CSNK1G1: variants seen among roughly 807,000 people sequenced by gnomAD.
The protein encoded by CSNK1G1 is casein kinase 1 gamma 1.
CSNK1G1 carries 22 observed loss-of-function variants against 59.6 expected under a neutral mutation model. The ratio of observed to expected loss-of-function variants is 0.37; its 90% CI spans 0.26 to 0.53. CSNK1G1 has a LOEUF of 0.53. Ranked by LOEUF, CSNK1G1 falls within the 20% of genes least tolerant of loss-of-function variation. The pLI is 0.89. For missense variants in CSNK1G1, 384 were observed against 519.5 expected (o/e 0.74, Z 2.54); for synonymous variants, 179 against 177.1 (o/e 1.01, Z -0.08).
chr15:64,277,609 A>G (rs958952238), intron 2 of CSNK1G1, among the ~76,000 whole-genome samples: 12 of 138,302 alleles, frequency 8.7e-5, no homozygotes, highest in Non-Finnish European at 1.9e-4. Flanking sequence ...ATAATATATT[A>G]ATATTGGTAT....
chr15:64,205,388 G>C (rs562608707), intron 7 of CSNK1G1, among the ~76,000 whole-genome samples: 9 of 152,158 alleles, frequency 5.9e-5, no homozygotes, highest in African/African-American at 2.2e-4. Context: ...CACATATATT[G>C]AGACTTTGAA....
intron 1 of CSNK1G1, among the ~76,000 whole-genome samples, chr15:64,352,246 C>T (rs1469096850): frequency 2.6e-5 from 4 of 151,192 alleles, no homozygotes; most frequent in Non-Finnish European, 2.9e-5. Flanking sequence ...GCGGAGGTTG[C>T]AGTGAGCCAA....
At chr15:64,341,858 C>T (rs1897698597) in intron 1 of CSNK1G1, among the ~76,000 whole-genome samples, 1 of 152,112 alleles carries the variant, frequency 6.6e-6, no homozygotes, top group South Asian at 2.1e-4. Flanking sequence ...TTTTTAAAAG[C>T]GGGATGAGGT....
chr15:64,355,466 T>G (rs865899499), intron 1 of CSNK1G1, among the ~76,000 whole-genome samples: 1 of 152,298 alleles, frequency 6.6e-6, no homozygotes, highest in Admixed American at 6.5e-5. Flanking sequence ...CGTACGGAAG[T>G]TGGGTAGAGG....
In CSNK1G1 at chr15:64,214,028, GCT is replaced by G; in HGVS notation, c.539_540del (p.Glu180AlafsTer16). ...CCAAAGTCTATAATGTGTATAACAT[GCT>G]CTTTCTTATTGCCTTGTCGACCAAT... ...FLIGRQGNKKEHVIHIIDFGL... is the reference protein window; with the variant it reads ...FLIGRQGNKKXHVIHIIDFGL... On this transcript the variant is annotated frameshift_variant, in exon 6 of 12. Transcript: ENST00000303052. LOFTEE classifies it high-confidence loss of function. The surrounding 1 kb of genome is among the most constrained non-coding windows in gnomAD (Gnocchi z 4.3). 2 of 1,614,036 alleles carry G rather than the reference GCT, an allele frequency of 1.2e-6. No individual in the cohort carries two copies. The highest frequency in any genetic ancestry group is 1.7e-6 in the Non-Finnish European group (2 of 1,179,938).
chr15:64,341,564 C>T (rs943100451), intron 1 of CSNK1G1, among the ~76,000 whole-genome samples: 3 of 152,230 alleles, frequency 2.0e-5, no homozygotes, highest in Non-Finnish European at 4.4e-5. Flanking sequence ...CCTCAAACTC[C>T]TGGGCTCAAG....
Position 64,303,959 on chromosome 15 carries a change from A to G in CSNK1G1, c.-224-3236T>C, listed in dbSNP as rs1466690316. 2.6e-5 allele frequency among the ~76,000 whole-genome samples: 4 copies of G among 151,752 alleles called. No homozygotes were observed. In the East Asian group the frequency reaches 7.7e-4, roughly 29 times the overall value. On this transcript the variant is annotated intron_variant, in intron 1 of 11. Transcript: ENST00000303052. Reference sequence around the variant, plus strand: ...GCCAAAAATCTCACTCAGCTGGGGGAAAATGTTCATAACACCTACTTGTAG... The same window carrying G: ...GCCAAAAATCTCACTCAGCTGGGGGGAAATGTTCATAACACCTACTTGTAG...
intron 1 of CSNK1G1, among the ~76,000 whole-genome samples, chr15:64,349,178 A>G (rs966433486): frequency 6.6e-6 from 1 of 151,930 alleles, no homozygotes; most frequent in African/African-American, 2.4e-5. Flanking sequence ...AAGAAAATGT[A>G]TAACTTTCAT....
chr15:64,177,101 G>A (rs559003483), intron 11 of CSNK1G1, among the ~76,000 whole-genome samples: 35 of 152,246 alleles, frequency 2.3e-4, no homozygotes, highest in Non-Finnish European at 4.3e-4. Flanking sequence ...TCACATGTTC[G>A]TTTTGTACAC....
At chr15:64,195,447 G>A (rs1043433171) in intron 10 of CSNK1G1, among the ~76,000 whole-genome samples, 6 of 152,184 alleles carry the variant, frequency 3.9e-5, no homozygotes, top group East Asian at 3.8e-4. Flanking sequence ...TAGCATTTAC[G>A]TAAGGATTGT....
At chr15:64,265,662 T>TAAA in intron 2 of CSNK1G1, 51 of 273,834 alleles carry the variant, frequency 1.9e-4, no homozygotes, top group Non-Finnish European at 2.7e-4. Flanking sequence ...ACAATAGCTT[T>TAAA]AAAAAAAAAA....
At chr15:64,272,244 C>A (rs1030050277) in intron 2 of CSNK1G1, among the ~76,000 whole-genome samples, 1 of 150,610 alleles carries the variant, frequency 6.6e-6, no homozygotes, top group African/African-American at 2.4e-5. Flanking sequence ...GAGATGGAGT[C>A]TTGCTCTGTC....
intron 2 of CSNK1G1, among the ~76,000 whole-genome samples, chr15:64,264,001 GAAAC>G (rs1169979114): frequency 6.6e-6 from 1 of 151,888 alleles, no homozygotes; most frequent in Non-Finnish European, 1.5e-5. Context: ...TTTATCCCTA[GAAAC>G]AAACATAGTA....
intron 10 of CSNK1G1, chr15:64,189,427 C>T: frequency 1.6e-6 from 2 of 1,290,308 alleles, no homozygotes; most frequent in South Asian, 1.3e-5. Context: ...TTCCCCTGTG[C>T]CAGATGGCTG....
intron 2 of CSNK1G1, 52 bp from the exon 3 acceptor site, chr15:64,259,293 G>C (rs1466498399): frequency 1.5e-6 from 2 of 1,360,762 alleles, no homozygotes; most frequent in Non-Finnish European, 2.0e-6. Context: ...TCTGGGAAAA[G>C]CAAAGCAAAA....
At chr15:64,249,596 A>C (rs1031166964) in intron 4 of CSNK1G1, among the ~76,000 whole-genome samples, 19 of 152,236 alleles carry the variant, frequency 1.2e-4, no homozygotes, top group African/African-American at 4.3e-4. Context: ...TGGCCTAACC[A>C]GTACAACAGA....
At chr15:64,193,504 G>A (rs1359816341) in intron 10 of CSNK1G1, among the ~76,000 whole-genome samples, 16 of 57,246 alleles carry the variant, frequency 2.8e-4, no homozygotes, top group Admixed American at 3.2e-4. Flanking sequence ...AAAAAAAAAA[G>A]TATATACTTG....
intron 11 of CSNK1G1, among the ~76,000 whole-genome samples, chr15:64,173,584 ATGGTGTTTTT>A (rs1447593989): frequency 3.3e-5 from 5 of 150,180 alleles, no homozygotes; most frequent in African/African-American, 7.4e-5. Context: ...TCAAGAACAA[ATGGTGTTTTT>A]TGGTGTTTTT....
At chr15:64,243,819 G>A (rs113048430) in intron 4 of CSNK1G1, among the ~76,000 whole-genome samples, 1,751 of 151,664 alleles carry the variant, frequency 0.012, 26 homozygotes, top group African/African-American at 0.033. Context: ...GCAGTGAGCC[G>A]AGATCACACC....
Sources: gnomAD v4.1 joint callset for allele counts (sites outside exome capture counted in the v4.1 genomes callset) on GRCh38, gnomAD v4.1.1 for gene constraint, Gnocchi (gnomAD v3.1) non-coding constraint, MANE v1.5 for transcripts, NCBI Gene and HGNC (gene_info 2026-07-23, HGNC 2026-07-21) for gene names.